The following CARM1 variants were observed in gnomAD, a reference collection of about 807,000 sequenced individuals.
The protein encoded by CARM1 is histone-arginine methyltransferase CARM1.
Under a neutral mutation model 72.7 loss-of-function variants are expected in CARM1, and 14 were observed. The ratio of observed to expected loss-of-function variants is 0.19; its 90% CI spans 0.13 to 0.30. The LOEUF is 0.30. Among genes scored for constraint, CARM1 ranks in the 10% least tolerant of loss-of-function variants. The pLI is 1.00. For synonymous variants in CARM1, 333 were observed against 345.5 expected, an observed-to-expected ratio of 0.96 and a Z score of 0.40; for missense variants, 432 against 833.7, an observed-to-expected ratio of 0.52 and a Z score of 5.93.
At chr19:10,911,893 A>G (rs981817665) in intron 4 of CARM1, among the ~76,000 whole-genome samples, 23 of 152,214 alleles carry the variant, frequency 1.5e-4, no homozygotes, top group African/African-American at 5.5e-4. Context: ...AATGCTTTTC[A>G]ACTGCCAGTG....
At chr19:10,897,512 C>T (rs954337470) in intron 1 of CARM1, among the ~76,000 whole-genome samples, 1 of 152,194 alleles carries the variant, frequency 6.6e-6, no homozygotes, top group Non-Finnish European at 1.5e-5. Flanking sequence ...CCAGCCCCTC[C>T]TCCCTTGGCC....
chr19:10,922,272 C>G lies in CARM1; in HGVS notation c.*515C>G, dbSNP rs564674040. ...CTCTGTGAAGCCAGGCCGGCCGGGCCGAGCCAGCAGCCCCTCTCCCTAGAC... is the reference window on the plus strand; with the variant it reads ...CTCTGTGAAGCCAGGCCGGCCGGGCGGAGCCAGCAGCCCCTCTCCCTAGAC... On this transcript the variant is annotated 3_prime_UTR_variant, in exon 16 of 16. Transcript: ENST00000327064. 6.6e-6 allele frequency: 1 copy of G among 152,630 alleles called. No homozygotes were observed. Among genetic ancestry groups the G allele is most frequent in the Non-Finnish European group, 1.5e-5 (1 of 68,048 alleles). 9.5% of individuals were successfully genotyped at this position (152,630 alleles called of 1,614,324 possible).
At chr19:10,882,520 C>G (rs2073909129) in intron 1 of CARM1, among the ~76,000 whole-genome samples, 1 of 149,894 alleles carries the variant, frequency 6.7e-6, no homozygotes. Context: ...CCCCCAATCT[C>G]CAGTGCACTC....
At chr19:10,919,555 C>T (rs1752081465) in intron 8 of CARM1, 40 bp from the exon 9 acceptor site, 2 of 1,471,576 alleles carry the variant, frequency 1.4e-6, no homozygotes, top group African/African-American at 2.8e-5. Context: ...CATGCTGGCC[C>T]TGGCGTCAGA....
intron 1 of CARM1, among the ~76,000 whole-genome samples, chr19:10,876,668 C>G (rs2073866977): frequency 6.6e-6 from 1 of 152,252 alleles, no homozygotes; most frequent in South Asian, 2.1e-4. Context: ...ATGGCAACTA[C>G]CAACACCAGG....
At chr19:10,897,754 G>C (rs897041338) in intron 1 of CARM1, among the ~76,000 whole-genome samples, 4 of 152,186 alleles carry the variant, frequency 2.6e-5, no homozygotes, top group Non-Finnish European at 5.9e-5. Flanking sequence ...TTGGGAGGTC[G>C]AGGTGGGTGA....
At chr19:10,881,489 A>G (rs2073902025) in intron 1 of CARM1, among the ~76,000 whole-genome samples, 1 of 152,132 alleles carries the variant, frequency 6.6e-6, no homozygotes, top group Admixed American at 6.5e-5. Context: ...AAGCTTTGAA[A>G]GGGCAGGAAG....
chr19:10,898,736 C>T (rs1316558107), intron 1 of CARM1, among the ~76,000 whole-genome samples: 1 of 152,246 alleles, frequency 6.6e-6, no homozygotes, highest in African/African-American at 2.4e-5. Flanking sequence ...TTCTACCCTC[C>T]TCCTGGGGTG....
At position 10,871,938 on chromosome 19, in the gene CARM1, C is replaced by T; in HGVS notation, c.220+16C>T. The stretch of plus-strand genomic sequence containing the variant: ...CTCTACAGCCGTGAGTACGGGGCCC[C>T]GGGGCAGGCGCAGGGCCGGGGCTGC... On this transcript the variant is annotated intron_variant, in intron 1 of 15. Coordinates refer to ENST00000327064, the MANE Select transcript of CARM1 (RefSeq NM_199141.2). This position sits in a 1 kb window ranked among gnomAD's most constrained non-coding sequence, Gnocchi z 5.6. The T allele has an allele frequency of 8.5e-7, 1 of 1,181,084 alleles. No individual in the cohort carries two copies. Among genetic ancestry groups the T allele is most frequent in the Non-Finnish European group, 1.0e-6 (1 of 954,850 alleles). 73.2% of individuals were successfully genotyped at this position (1,181,084 alleles called of 1,614,324 possible). A position where few individuals can be genotyped will look rare whatever the true frequency, so the allele number is the denominator to read the frequency against.
chr19:10,871,659 CGGGCGCAGCGGCGGCGGCGGCGGGGCCT>C lies in CARM1; in HGVS notation c.-41_-14del, dbSNP rs2073818082. 2.3e-6 allele frequency: 1 copy of C among 433,054 alleles called. No homozygotes were observed. Among genetic ancestry groups the C allele is most frequent in the Non-Finnish European group, 2.9e-6 (1 of 339,174 alleles). The allele number at this position is 433,054 out of a possible 1,614,324, so 26.8% of individuals were successfully genotyped here. A position where few individuals can be genotyped will look rare whatever the true frequency, so the allele number is the denominator to read the frequency against. On this transcript the variant is annotated 5_prime_UTR_variant, in exon 1 of 16. Coordinates refer to ENST00000327064, the MANE Select transcript of CARM1 (RefSeq NM_199141.2). The surrounding 1 kb of genome is among the most constrained non-coding windows in gnomAD (Gnocchi z 5.6). Reference sequence around the variant, plus strand: ...GGCGGCAGCGGCGGCGGCCTGGGCCCGGGCGCAGCGGCGGCGGCGGCGGGGCCTGGAGCCGGATCTAAGATGGCAGCGG... The same window carrying C: ...GGCGGCAGCGGCGGCGGCCTGGGCCCGGAGCCGGATCTAAGATGGCAGCGG...
At chr19:10,873,038 C>T (rs186045518) in intron 1 of CARM1, among the ~76,000 whole-genome samples, 2 of 152,194 alleles carry the variant, frequency 1.3e-5, no homozygotes, top group Admixed American at 1.3e-4. Flanking sequence ...CCGAGGGTGC[C>T]GTCTCTTTTT....
intron 1 of CARM1, among the ~76,000 whole-genome samples, chr19:10,901,807 G>A (rs1342385058): frequency 6.6e-6 from 1 of 152,144 alleles, no homozygotes; most frequent in Non-Finnish European, 1.5e-5. Context: ...TGGGTGTGAT[G>A]ATGCATGTCT....
chr19:10,883,322 C>T (rs2146306178), intron 1 of CARM1, among the ~76,000 whole-genome samples: 1 of 152,192 alleles, frequency 6.6e-6, no homozygotes, highest in Admixed American at 6.5e-5. Context: ...CAGAGTAGCC[C>T]TGGGAATCCT....
rs1264090753 is a variant in CARM1, at chr19:10,921,773, ACTG to A, written c.*17_*19del. On this transcript the variant is annotated 3_prime_UTR_variant, in exon 16 of 16. Transcript: ENST00000327064. ...CGGGAGCTAGGGGCCCGCCCCGCGG[ACTG>A]ACAGCACCAGGAAACCAAATGATGT... 1 of 1,572,682 alleles carries A rather than the reference ACTG, an allele frequency of 6.4e-7. No homozygotes were observed. The highest frequency in any genetic ancestry group is 1.8e-5 in the Admixed American group (1 of 55,490).
rs1375474536 is a variant in CARM1 at position 10,915,293 on chromosome 19, C to A, written c.848-1114C>A. On this transcript the variant is annotated intron_variant, in intron 6 of 15. Transcript: ENST00000327064. This position sits in a 1 kb window ranked among gnomAD's most constrained non-coding sequence, Gnocchi z 4.6. ...GGTGGGGATGGGGGTGGGGACAGCC[C>A]CAGCAGAGAGGGCCCCTCCCGATGG... Among the ~76,000 whole-genome samples the A allele has an allele frequency of 3.3e-5, 5 of 152,108 alleles. No individual in the cohort carries two copies. The highest frequency in any genetic ancestry group is 1.2e-4 in the African/African-American group (5 of 41,414).
At chr19:10,911,791 C>T (rs539102463) in intron 4 of CARM1, among the ~76,000 whole-genome samples, 1 of 152,364 alleles carries the variant, frequency 6.6e-6, no homozygotes, top group South Asian at 2.1e-4. Context: ...CGGGCTGCTT[C>T]TCCAGGCATG....
intron 4 of CARM1, among the ~76,000 whole-genome samples, chr19:10,911,389 G>A (rs2074149848): frequency 6.6e-6 from 1 of 152,122 alleles, no homozygotes; most frequent in Admixed American, 6.5e-5. Flanking sequence ...GCCCTGGCAG[G>A]GCCATCCCGA....
intron 3 of CARM1, 55 bp from the exon 4 acceptor site, chr19:10,909,048 C>T: frequency 7.2e-7 from 1 of 1,397,086 alleles, no homozygotes; most frequent in Non-Finnish European, 1.0e-6. Context: ...TGGCCAGGGC[C>T]TTGGCTGCCT....
rs1451403166 is a variant in CARM1, at chr19:10,915,047, C to A, written c.847+993C>A. ...TAGCAGCCATGGGATGGAGCGTGGG[C>A]AGCAGCAGGCTGGTGGGGCTTGTGC... On this transcript the variant is annotated intron_variant, in intron 6 of 15. Coordinates refer to ENST00000327064, the MANE Select transcript of CARM1 (RefSeq NM_199141.2). This position sits in a 1 kb window ranked among gnomAD's most constrained non-coding sequence, Gnocchi z 4.6. Among the ~76,000 whole-genome samples the A allele has an allele frequency of 6.6e-6, 1 of 152,196 alleles. No individual in the cohort carries two copies. Among genetic ancestry groups the A allele is most frequent in the African/African-American group, 2.4e-5 (1 of 41,446 alleles).
Sources: gnomAD v4.1 joint callset for allele counts (sites outside exome capture counted in the v4.1 genomes callset) on GRCh38, gnomAD v4.1.1 for gene constraint, Gnocchi (gnomAD v3.1) non-coding constraint, MANE v1.5 for transcripts, NCBI Gene and HGNC (gene_info 2026-07-23, HGNC 2026-07-21) for gene names.